BANK1: variants seen among roughly 807,000 people sequenced by gnomAD.
BANK1 encodes B-cell scaffold protein with ankyrin repeats.
BANK1 carries 95 observed loss-of-function variants against 94.5 expected under a neutral mutation model. The ratio of observed to expected loss-of-function variants is 1.00; its 90% CI spans 0.85 to 1.19. The LOEUF (loss-of-function observed/expected upper bound fraction) is 1.19, where lower values mean the gene tolerates loss of function less well. Among genes scored for constraint, BANK1 ranks in the 50% most tolerant of loss-of-function variants. The probability of loss-of-function intolerance (pLI) is 0.00; values close to 1 mark genes in which losing one functional copy is unlikely to be tolerated. For missense variants in BANK1, 987 were observed against 932.2 expected, an observed-to-expected ratio of 1.06 and a Z score of -0.77; for synonymous variants, 334 against 308.4, an observed-to-expected ratio of 1.08 and a Z score of -0.87.
At chr4:101,968,080 T>C (rs1344854863) in intron 7 of BANK1, among the ~76,000 whole-genome samples, 2 of 151,966 alleles carry the variant, frequency 1.3e-5, no homozygotes, top group South Asian at 4.1e-4. Context: ...AATGATTTCT[T>C]ATCCATGGAA....
chr4:101,909,072 A>T (rs1234062549), intron 6 of BANK1, among the ~76,000 whole-genome samples: 5 of 152,200 alleles, frequency 3.3e-5, no homozygotes. Flanking sequence ...TACCCTAAGG[A>T]TTATAAATCA....
chr4:101,820,796 C>T (rs142075402), intron 1 of BANK1, among the ~76,000 whole-genome samples: 167 of 152,248 alleles, frequency 1.1e-3, no homozygotes, highest in African/African-American at 2.1e-3. Flanking sequence ...TCCCACAAGA[C>T]GTTATCTCAT....
chr4:101,978,440 A>T (rs1404846051), intron 7 of BANK1, among the ~76,000 whole-genome samples: 1 of 152,134 alleles, frequency 6.6e-6, no homozygotes, highest in East Asian at 1.9e-4. Context: ...CCTGGAAGGT[A>T]GTAAGTACTC....
At chr4:101,942,772 A>G (rs1043556785) in intron 7 of BANK1, among the ~76,000 whole-genome samples, 1 of 151,916 alleles carries the variant, frequency 6.6e-6, no homozygotes, top group African/African-American at 2.4e-5. Flanking sequence ...ATAGCAAAGT[A>G]TCATTATAAA....
rs193149208 is a variant in BANK1 at position 102,031,583 on chromosome 4, G to A, written c.1900+1318G>A. 1.2e-3 allele frequency among the ~76,000 whole-genome samples: 177 copies of A among 152,172 alleles called. 1 individual carries two copies. Among genetic ancestry groups the A allele is most frequent in the African/African-American group, 3.9e-3 (162 of 41,514 alleles). On this transcript the variant is annotated intron_variant, in intron 10 of 16. Transcript: ENST00000322953. ...AAATAAGAATGATGGATTGAGTTCC[G>A]GTTTCTACTTCCTCATTAAAAAGGA... is the stretch of plus-strand genomic sequence containing the variant.
chr4:101,950,050 T>C (rs867692620), intron 7 of BANK1, among the ~76,000 whole-genome samples: 25 of 91,926 alleles, frequency 2.7e-4, no homozygotes, highest in Admixed American at 2.2e-3. Context: ...TGTGTGTGTG[T>C]GTGTGTGTGT....
At chr4:101,822,906 C>T (rs968694594) in intron 1 of BANK1, among the ~76,000 whole-genome samples, 1 of 152,130 alleles carries the variant, frequency 6.6e-6, no homozygotes, top group Admixed American at 6.6e-5. Flanking sequence ...TGAGCCACCG[C>T]GTCTGGCCAC....
chr4:101,961,744 T>C (rs1454837334), intron 7 of BANK1, among the ~76,000 whole-genome samples: 1 of 152,176 alleles, frequency 6.6e-6, no homozygotes, highest in Non-Finnish European at 1.5e-5. Flanking sequence ...TGTTCTTTAC[T>C]AAAGAGAGAA....
chr4:101,876,706 A>G (rs11097760), intron 5 of BANK1, among the ~76,000 whole-genome samples: 70,579 of 152,020 alleles, frequency 0.46, 17,934 homozygotes, highest in African/African-American at 0.68. Context: ...GAACTAAATA[A>G]GGCACCAGGG....
chr4:102,001,968 G>C (rs73834547), intron 7 of BANK1, among the ~76,000 whole-genome samples: 1 of 152,212 alleles, frequency 6.6e-6, no homozygotes, highest in African/African-American at 2.4e-5. Flanking sequence ...CTTCATTCTT[G>C]GTTCTCCAAC....
At chr4:101,971,353 A>G (rs1724945973) in intron 7 of BANK1, among the ~76,000 whole-genome samples, 1 of 152,160 alleles carries the variant, frequency 6.6e-6, no homozygotes, top group African/African-American at 2.4e-5. Flanking sequence ...ATAACAGCAT[A>G]GACATATGGT....
intron 13 of BANK1, among the ~76,000 whole-genome samples, chr4:102,065,423 A>G (rs1056003336): frequency 1.1e-4 from 16 of 152,204 alleles, no homozygotes; most frequent in African/African-American, 3.9e-4. Flanking sequence ...CAAGTTCTTG[A>G]CAGTAATTGA....
intron 2 of BANK1, among the ~76,000 whole-genome samples, chr4:101,839,937 A>ATT (rs70964197): frequency 5.7e-5 from 3 of 53,088 alleles, no homozygotes; most frequent in African/African-American, 2.3e-4. Flanking sequence ...CAAATATTTA[A>ATT]TTTTTTTTTT....
intron 1 of BANK1, among the ~76,000 whole-genome samples, chr4:101,818,634 A>AG (rs1726013576): frequency 6.6e-6 from 1 of 151,862 alleles, no homozygotes; most frequent in African/African-American, 2.4e-5. Context: ...AAGGAAGAGA[A>AG]AGAGAAACCA....
At chr4:101,967,138 AG>A (rs1417883788) in intron 7 of BANK1, among the ~76,000 whole-genome samples, 1 of 152,098 alleles carries the variant, frequency 6.6e-6, no homozygotes, top group African/African-American at 2.4e-5. Flanking sequence ...TTGCCATCAA[AG>A]GGGTCGCAGT....
In BANK1 at chr4:102,020,166, T is replaced by A. The variant is rs186028127; in HGVS notation, c.1207-1348T>A. On this transcript the variant is annotated intron_variant, in intron 7 of 16. Coordinates refer to ENST00000322953, the MANE Select transcript of BANK1 (RefSeq NM_017935.5). ...CAAAATCTTTGTAAACCATTGCTAC[T>A]AATAAATTAGTAAAAAAAAATCCTT... is the stretch of plus-strand genomic sequence containing the variant. Among the ~76,000 whole-genome samples the A allele has an allele frequency of 5.3e-5, 8 of 150,506 alleles. No homozygotes were observed. The East Asian group carries it at 1.5e-3, about 29-fold the overall frequency.
chr4:102,074,405 A>G lies in BANK1; in HGVS notation c.*406A>G, dbSNP rs893124025. On this transcript the variant is annotated 3_prime_UTR_variant, in exon 17 of 17. Coordinates refer to ENST00000322953, the MANE Select transcript of BANK1 (RefSeq NM_017935.5). Reference sequence around the variant, plus strand: ...CTCCTTAGAATAACCATGAAAATACAAATTTACTTAGCACATTTTTGCTTT... The same window carrying G: ...CTCCTTAGAATAACCATGAAAATACGAATTTACTTAGCACATTTTTGCTTT... 6.6e-6 allele frequency: 1 copy of G among 152,064 alleles called. No homozygotes were observed. Among genetic ancestry groups the G allele is most frequent in the African/African-American group, 2.4e-5 (1 of 41,448 alleles). The allele number at this position is 152,064 out of a possible 1,614,324, so 9.4% of individuals were successfully genotyped here. A position where few individuals can be genotyped will look rare whatever the true frequency, so the allele number is the denominator to read the frequency against.
intron 3 of BANK1, among the ~76,000 whole-genome samples, chr4:101,857,360 T>G (rs1346473569): frequency 1.3e-5 from 2 of 152,216 alleles, no homozygotes; most frequent in Non-Finnish European, 2.9e-5. Flanking sequence ...GACTATGAGC[T>G]CTTTATAGTT....
chr4:101,838,510 G>A (rs995567409), intron 2 of BANK1, among the ~76,000 whole-genome samples: 4 of 152,140 alleles, frequency 2.6e-5, no homozygotes, highest in African/African-American at 7.2e-5. Flanking sequence ...CATGGGAAAT[G>A]ATCATCTGCT....
Sources: allele counts gnomAD v4.1 joint callset (sites outside exome capture counted in the v4.1 genomes callset), GRCh38; gene constraint gnomAD v4.1.1; transcripts MANE v1.5; gene names NCBI Gene and HGNC (gene_info 2026-07-23, HGNC 2026-07-21).